PRKAR1B: variants seen among roughly 807,000 people sequenced by gnomAD.
PRKAR1B encodes cAMP-dependent protein kinase type I-beta regulatory subunit.
PRKAR1B carries 22 observed loss-of-function variants against 46.5 expected under a neutral mutation model. The observed-to-expected ratio is 0.47, with a 90% CI of 0.34 to 0.68. The LOEUF is 0.68. Ranked by LOEUF, PRKAR1B falls within the 30% of genes least tolerant of loss-of-function variation. The pLI, the probability that PRKAR1B is intolerant of heterozygous loss-of-function variation, is 0.01. For missense variants in PRKAR1B, 445 were observed against 535.6 expected (o/e 0.83, Z 1.67); for synonymous variants, 259 against 217.7 (o/e 1.19, Z -1.67).
chr7:564,866 T>C (rs1449210584), intron 9 of PRKAR1B, among the ~76,000 whole-genome samples: 1 of 152,048 alleles, frequency 6.6e-6, no homozygotes, highest in Non-Finnish European at 1.5e-5. Context: ...CCCCCAACCT[T>C]GCATCTGGGA....
At chr7:624,199 G>A (rs532086193) in intron 4 of PRKAR1B, among the ~76,000 whole-genome samples, 3 of 152,340 alleles carry the variant, frequency 2.0e-5, no homozygotes, top group East Asian at 3.9e-4. Context: ...TTGGGAGGCT[G>A]AGGCAGGCGG....
chr7:702,845 AATAC>A (rs1236576083), intron 2 of PRKAR1B, among the ~76,000 whole-genome samples: 5 of 151,860 alleles, frequency 3.3e-5, no homozygotes, highest in African/African-American at 1.2e-4. Flanking sequence ...TAAATAAATA[AATAC>A]ATAAATAAAT....
At chr7:685,826 T>C (rs1259933440) in intron 2 of PRKAR1B, among the ~76,000 whole-genome samples, 1 of 152,162 alleles carries the variant, frequency 6.6e-6, no homozygotes, top group Non-Finnish European at 1.5e-5. Context: ...ACTTGATCAA[T>C]ACTTTTTAAC....
intron 4 of PRKAR1B, among the ~76,000 whole-genome samples, chr7:672,496 C>T (rs912284119): frequency 2.6e-5 from 4 of 151,700 alleles, no homozygotes; most frequent in African/African-American, 9.8e-5. Flanking sequence ...GTGCTCCACC[C>T]ACCGCACTGT....
intron 4 of PRKAR1B, among the ~76,000 whole-genome samples, chr7:641,611 G>A (rs1388240824): frequency 6.6e-6 from 1 of 152,092 alleles, no homozygotes. Flanking sequence ...GGGAGCGGGC[G>A]GTGATCAAAT....
chr7:652,650 C>A (rs1784972470), intron 4 of PRKAR1B, among the ~76,000 whole-genome samples: 1 of 152,266 alleles, frequency 6.6e-6, no homozygotes, highest in Non-Finnish European at 1.5e-5. Context: ...TAGGGACTGG[C>A]AGTCCAGGCT....
At chr7:621,815 A>C (rs1783120543) in intron 4 of PRKAR1B, among the ~76,000 whole-genome samples, 1 of 152,214 alleles carries the variant, frequency 6.6e-6, no homozygotes, top group South Asian at 2.1e-4. Flanking sequence ...TCAGCCTCTA[A>C]AGCAGCAGGG....
intron 4 of PRKAR1B, among the ~76,000 whole-genome samples, chr7:613,840 T>A (rs1782659175): frequency 6.6e-6 from 1 of 152,208 alleles, no homozygotes; most frequent in Admixed American, 6.5e-5. Flanking sequence ...AAAGCTCACC[T>A]GAGAATGTTT....
At chr7:555,760 G>A (rs1266312218) in intron 9 of PRKAR1B, among the ~76,000 whole-genome samples, 1 of 152,194 alleles carries the variant, frequency 6.6e-6, no homozygotes, top group Non-Finnish European at 1.5e-5. Flanking sequence ...GAGTCCCGCT[G>A]CCTCCACAAG....
At chr7:610,367 C>T (rs1026604977) in intron 4 of PRKAR1B, among the ~76,000 whole-genome samples, 2 of 152,178 alleles carry the variant, frequency 1.3e-5, no homozygotes, top group African/African-American at 4.8e-5. Flanking sequence ...GGGCGTGGCC[C>T]CGCTCAGAGC....
chr7:598,605 T>C (rs1583274233), intron 6 of PRKAR1B, among the ~76,000 whole-genome samples: 1 of 141,750 alleles, frequency 7.1e-6, no homozygotes, highest in Non-Finnish European at 1.5e-5. Flanking sequence ...CCCTCCACAC[T>C]AAACATCATC....
chr7:567,838 G>C (rs1779271123), intron 9 of PRKAR1B, among the ~76,000 whole-genome samples: 1 of 150,314 alleles, frequency 6.7e-6, no homozygotes. Context: ...CATAGAGACA[G>C]AAAGGAGAAG....
chr7:726,614 G>A (rs1583467126), intron 1 of PRKAR1B: 3 of 873,322 alleles, frequency 3.4e-6, no homozygotes, highest in African/African-American at 1.7e-5. Flanking sequence ...CGGCGGGGAG[G>A]AAGTAGCCCG....
In PRKAR1B at chr7:633,227, C is replaced by T. The variant is rs77744170; in HGVS notation, c.441-25775G>A. Among the ~76,000 whole-genome samples, 1,135 of 152,308 alleles carry T rather than the reference C, an allele frequency of 7.5e-3. 8 individuals carry two copies. Among genetic ancestry groups the T allele is most frequent in the Non-Finnish European group, 0.013 (905 of 68,024 alleles). ...ACACCAAGTGGAGAAAAGTGTGTCT[C>T]GTGTGCAAACATCTATCTAACACAG... On this transcript the variant is annotated intron_variant, in intron 4 of 10. Transcript: ENST00000537384.
chr7:567,412 T>A (rs1181051544), intron 9 of PRKAR1B, among the ~76,000 whole-genome samples: 1 of 142,554 alleles, frequency 7.0e-6, no homozygotes, highest in Admixed American at 6.9e-5. Context: ...ATCACCTCCA[T>A]CATCATCACC....
At chr7:583,443 A>ACGCACACCCACACTCACACACGTG (rs1780344028) in intron 8 of PRKAR1B, among the ~76,000 whole-genome samples, 1 of 59,328 alleles carries the variant, frequency 1.7e-5, no homozygotes, top group African/African-American at 7.9e-5. Context: ...CCCACAGTGC[A>ACGCACACCCACACTCACACACGTG]CACTCACACC....
intron 8 of PRKAR1B, among the ~76,000 whole-genome samples, chr7:580,621 C>T (rs1341961698): frequency 1.3e-5 from 2 of 152,014 alleles, no homozygotes; most frequent in East Asian, 1.9e-4. Flanking sequence ...TCTTTCCGCC[C>T]TTCTCACAAG....
chr7:572,178 C>T (rs1266405008), intron 9 of PRKAR1B, among the ~76,000 whole-genome samples: 2 of 152,314 alleles, frequency 1.3e-5, no homozygotes, highest in African/African-American at 2.4e-5. Flanking sequence ...CTCCCGCTGA[C>T]GCACAGGGTG....
intron 1 of PRKAR1B, among the ~76,000 whole-genome samples, chr7:717,228 AT>A (rs1201542997): frequency 6.6e-6 from 1 of 151,950 alleles, no homozygotes; most frequent in Non-Finnish European, 1.5e-5. Context: ...GGCAGAGGTC[AT>A]AGTGAGCTGA....
Sources: allele counts gnomAD v4.1 joint callset (sites outside exome capture counted in the v4.1 genomes callset), GRCh38; gene constraint gnomAD v4.1.1; transcripts MANE v1.5; gene names NCBI Gene and HGNC (gene_info 2026-07-23, HGNC 2026-07-21).